The following IL1RAPL2 variants were observed in gnomAD, a reference collection of about 807,000 sequenced individuals.
The protein encoded by IL1RAPL2 is X-linked interleukin-1 receptor accessory protein-like 2.
A neutral mutation model predicts 44.1 loss-of-function variants in IL1RAPL2; 3 were observed. That is an observed-to-expected ratio of 0.07 (90% CI 0.03 to 0.18). The LOEUF is 0.18. IL1RAPL2 is among the 10% of genes least tolerant of loss of function. IL1RAPL2 has a pLI of 1.00. For missense variants in IL1RAPL2, 391 were observed against 496.4 expected (o/e 0.79, Z 2.02); for synonymous variants, 181 against 178.8 (o/e 1.01, Z -0.10).
chrX:105,246,586 C>T (rs1473550124), intron 4 of IL1RAPL2, among the ~76,000 whole-genome samples: 1 of 111,481 alleles, frequency 9.0e-6, no homozygotes, highest in East Asian at 2.9e-4. Flanking sequence ...CAGGTAGTTG[C>T]TTAGACAATC....
chrX:104,902,637 G>T (rs1049177847), intron 2 of IL1RAPL2, among the ~76,000 whole-genome samples: 1 of 111,802 alleles, frequency 8.9e-6, no homozygotes, highest in Admixed American at 9.5e-5. Flanking sequence ...TGACATTTCC[G>T]TTGCAGAATA....
At chrX:105,179,304 A>G (rs1490999167) in intron 2 of IL1RAPL2, among the ~76,000 whole-genome samples, 7 of 112,104 alleles carry the variant, frequency 6.2e-5, no homozygotes, top group African/African-American at 2.3e-4. Flanking sequence ...GTCTTTAAAT[A>G]TGTAGTTTTA....
chrX:105,170,408 A>G (rs1333412474), intron 2 of IL1RAPL2, among the ~76,000 whole-genome samples: 2 of 111,650 alleles, frequency 1.8e-5, no homozygotes, highest in African/African-American at 6.5e-5. Flanking sequence ...AATAAGAATA[A>G]TCACTGCTAA....
intron 6 of IL1RAPL2, among the ~76,000 whole-genome samples, chrX:105,498,778 G>A (rs1323556608): frequency 9.0e-6 from 1 of 111,341 alleles, no homozygotes. Context: ...AATGTACCAG[G>A]ACTAAACAAT....
At chrX:105,320,198 G>A (rs12842100) in intron 5 of IL1RAPL2, among the ~76,000 whole-genome samples, 4,280 of 111,685 alleles carry the variant, frequency 0.038, 68 homozygotes, top group South Asian at 0.065. Flanking sequence ...GGGCAGCTAC[G>A]ATAGAACTGG....
chrX:104,885,034 G>A (rs1442536587), intron 2 of IL1RAPL2, among the ~76,000 whole-genome samples: 3 of 111,612 alleles, frequency 2.7e-5, no homozygotes, highest in Non-Finnish European at 3.8e-5. Flanking sequence ...GGAGACCTGG[G>A]GAAGTTTTCA....
chrX:104,659,059 G>A lies in IL1RAPL2; in HGVS notation c.82+64G>A, dbSNP rs753157641. ...GTACAGTTTTGTGAGCACCCAGAGG[G>A]CACCTGTGCCTTTAACTATGAATGT... On this transcript the variant is annotated intron_variant, in intron 2 of 10. Transcript: ENST00000372582. 74 of 759,906 alleles carry A rather than the reference G, an allele frequency of 9.7e-5. No individual in the cohort carries two copies. The African/African-American group carries it at 1.4e-3, about 15-fold the overall frequency. 62.6% of individuals were successfully genotyped at this position (759,906 alleles called of 1,213,427 possible).
intron 10 of IL1RAPL2, among the ~76,000 whole-genome samples, 164 bp from the exon 11 acceptor site, chrX:105,766,797 GTTT>G (rs200757081): frequency 5.5e-4 from 56 of 101,128 alleles, no homozygotes; most frequent in African/African-American, 1.9e-3. Flanking sequence ...ATTATAAGCA[GTTT>G]TTTTTTTTTT....
chrX:105,030,631 C>CT (rs1277062406), intron 2 of IL1RAPL2, among the ~76,000 whole-genome samples: 1 of 111,810 alleles, frequency 8.9e-6, no homozygotes, highest in East Asian at 2.8e-4. Flanking sequence ...CAGTACCATG[C>CT]TTTTTTGGTT....
At chrX:105,525,830 A>G (rs2036591657) in intron 6 of IL1RAPL2, among the ~76,000 whole-genome samples, 1 of 111,758 alleles carries the variant, frequency 8.9e-6, no homozygotes, top group Non-Finnish European at 1.9e-5. Flanking sequence ...GAGGGAAAAG[A>G]ATATAAGGAA....
At chrX:105,652,394 G>A (rs1384317879) in intron 6 of IL1RAPL2, among the ~76,000 whole-genome samples, 1 of 111,353 alleles carries the variant, frequency 9.0e-6, no homozygotes, top group Non-Finnish European at 1.9e-5. Flanking sequence ...GTCATGTTAT[G>A]CTTATCCTAA....
At chrX:104,580,236 A>G (rs539097214) in intron 1 of IL1RAPL2, among the ~76,000 whole-genome samples, 3 of 112,456 alleles carry the variant, frequency 2.7e-5, no homozygotes, top group Admixed American at 9.4e-5. Flanking sequence ...GGCTTCTTAC[A>G]TTGCAAATAC....
At chrX:104,923,130 C>T (rs1317317359) in intron 2 of IL1RAPL2, among the ~76,000 whole-genome samples, 3 of 111,812 alleles carry the variant, frequency 2.7e-5, no homozygotes, top group East Asian at 5.6e-4. Context: ...TAAAAATGAA[C>T]AAAGCCTTCG....
At chrX:105,370,765 A>G (rs952978428) in intron 5 of IL1RAPL2, among the ~76,000 whole-genome samples, 1 of 112,080 alleles carries the variant, frequency 8.9e-6, no homozygotes, top group Non-Finnish European at 1.9e-5. Context: ...GCTGGGTCAA[A>G]TGGTAGTTCT....
intron 2 of IL1RAPL2, among the ~76,000 whole-genome samples, chrX:104,884,508 A>G (rs1231645457): frequency 2.7e-5 from 3 of 111,359 alleles, no homozygotes; most frequent in African/African-American, 9.8e-5. Flanking sequence ...AGGCATCAAC[A>G]GGCTCACCTT....
intron 5 of IL1RAPL2, among the ~76,000 whole-genome samples, chrX:105,414,996 A>G (rs1456611259): frequency 3.6e-5 from 4 of 112,166 alleles, no homozygotes; most frequent in Admixed American, 9.5e-5. Flanking sequence ...AGTCATAGAA[A>G]GAGAAGGAGG....
chrX:105,356,132 G>A (rs953342054), intron 5 of IL1RAPL2, among the ~76,000 whole-genome samples: 5 of 106,540 alleles, frequency 4.7e-5, no homozygotes, highest in Admixed American at 1.0e-4. Context: ...TGCCTTGACT[G>A]CTGTGGGGTG....
intron 5 of IL1RAPL2, among the ~76,000 whole-genome samples, chrX:105,472,005 T>C (rs1450176270): frequency 9.1e-6 from 1 of 109,374 alleles, no homozygotes; most frequent in Non-Finnish European, 1.9e-5. Flanking sequence ...TTGAATGTTC[T>C]GCAGAGGAAG....
At chrX:105,567,078 A>G (rs2147809056) in intron 6 of IL1RAPL2, among the ~76,000 whole-genome samples, 1 of 111,428 alleles carries the variant, frequency 9.0e-6, no homozygotes, top group African/African-American at 3.3e-5. Context: ...GAAGGAAAAA[A>G]ATTCTTATTT....
Sources: allele counts gnomAD v4.1 joint callset (sites outside exome capture counted in the v4.1 genomes callset), GRCh38; gene constraint gnomAD v4.1.1; transcripts MANE v1.5; gene names NCBI Gene and HGNC (gene_info 2026-07-23, HGNC 2026-07-21).